Variants in RARB observed in about 807,000 individuals in gnomAD.
The protein encoded by RARB is retinoic acid receptor beta.
RARB carries 17 observed loss-of-function variants against 51.9 expected under a neutral mutation model. That is an observed-to-expected ratio of 0.33 (90% CI 0.22 to 0.49). RARB has a LOEUF of 0.49. Ranked by LOEUF, RARB falls within the 20% of genes least tolerant of loss-of-function variation. The pLI is 0.99. For missense variants in RARB, 369 were observed against 550.8 expected (o/e 0.67, Z 3.30); for synonymous variants, 215 against 195.4 (o/e 1.10, Z -0.84).
At position 25,077,920 on chromosome 3, in the gene RARB, C is replaced by A. The variant is rs187518053; in HGVS notation, c.-328+17744C>A. Among the ~76,000 whole-genome samples, 411 of 152,232 alleles carry A rather than the reference C, an allele frequency of 2.7e-3. 1 individual carries two copies. The highest frequency in any genetic ancestry group is 9.2e-3 in the African/African-American group (384 of 41,536). On this transcript the variant is annotated intron_variant, in intron 3 of 11. Transcript: ENST00000383772. ...AGCAGTATCTCATTTTTCCTTTAAT[C>A]AGGATATCTTTGCTAACTAATGAAG... is the stretch of plus-strand genomic sequence containing the variant.
chr3:25,387,704 T>C (rs2125484638), intron 5 of RARB, among the ~76,000 whole-genome samples: 1 of 152,146 alleles, frequency 6.6e-6, no homozygotes, highest in Middle Eastern at 3.4e-3. Flanking sequence ...TCTCTTGGGG[T>C]CTTTTGACCA....
chr3:25,159,454 C>G, intron 4 of RARB, among the ~76,000 whole-genome samples: 1 of 148,894 alleles, frequency 6.7e-6, no homozygotes, highest in African/African-American at 2.5e-5. Flanking sequence ...GCTGGGATTA[C>G]AGGCGTGAGC....
At chr3:25,506,245 TC>T (rs1223152379) in intron 3 of RARB, among the ~76,000 whole-genome samples, 1 of 87,924 alleles carries the variant, frequency 1.1e-5, no homozygotes, top group Non-Finnish European at 2.0e-5. Flanking sequence ...AGGGTGAGAC[TC>T]CATCTCAAAA....
chr3:25,085,952 G>T (rs533840014), intron 3 of RARB, among the ~76,000 whole-genome samples: 1 of 152,280 alleles, frequency 6.6e-6, no homozygotes, highest in South Asian at 2.1e-4. Context: ...ACCTAAAATG[G>T]ATGATCTAGG....
intron 5 of RARB, among the ~76,000 whole-genome samples, chr3:25,398,051 G>A (rs1707163853): frequency 6.6e-6 from 1 of 151,982 alleles, no homozygotes; most frequent in Non-Finnish European, 1.5e-5. Context: ...CCTAATTTGG[G>A]GATTTGGATA....
At chr3:24,953,343 C>T (rs1390302810) in intron 2 of RARB, among the ~76,000 whole-genome samples, 1 of 152,098 alleles carries the variant, frequency 6.6e-6, no homozygotes, top group African/African-American at 2.4e-5. Flanking sequence ...AAGCAAAAAC[C>T]TGAAAAAGCA....
At chr3:25,348,697 G>A (rs1705471137) in intron 5 of RARB, among the ~76,000 whole-genome samples, 1 of 152,184 alleles carries the variant, frequency 6.6e-6, no homozygotes, top group East Asian at 1.9e-4. Context: ...AAATTTAAAT[G>A]TCAGTAAATC....
At chr3:25,322,128 G>A (rs1450090243) in intron 5 of RARB, among the ~76,000 whole-genome samples, 1 of 146,252 alleles carries the variant, frequency 6.8e-6, no homozygotes, top group African/African-American at 2.5e-5. Context: ...TGGGTCTGGA[G>A]GTATTCCCAA....
intron 3 of RARB, among the ~76,000 whole-genome samples, chr3:25,072,676 T>G (rs1162314796): frequency 1.3e-5 from 2 of 152,114 alleles, no homozygotes; most frequent in African/African-American, 4.8e-5. Context: ...AGAAATGGCT[T>G]CTATCTACCT....
chr3:25,387,742 A>G (rs542210882), intron 5 of RARB, among the ~76,000 whole-genome samples: 1 of 152,054 alleles, frequency 6.6e-6, no homozygotes, highest in Non-Finnish European at 1.5e-5. Flanking sequence ...CACTTCAGCA[A>G]TGTCTTTGTT....
At chr3:25,588,281 T>C (rs886824242) in intron 5 of RARB, among the ~76,000 whole-genome samples, 7 of 152,236 alleles carry the variant, frequency 4.6e-5, no homozygotes, top group African/African-American at 1.2e-4. Flanking sequence ...TATGATTCCA[T>C]TGATCTGAAG....
At chr3:25,493,014 A>G (rs552550059) in intron 2 of RARB, among the ~76,000 whole-genome samples, 2 of 151,282 alleles carry the variant, frequency 1.3e-5, no homozygotes, top group East Asian at 2.0e-4. Context: ...AAAATAAACA[A>G]CTCTCAGCTT....
At chr3:25,247,936 G>C (rs577777061) in intron 5 of RARB, among the ~76,000 whole-genome samples, 1 of 152,178 alleles carries the variant, frequency 6.6e-6, no homozygotes, top group African/African-American at 2.4e-5. Flanking sequence ...TTCTTTGTTA[G>C]TTTTCTGTCT....
At chr3:25,379,894 T>C (rs568130031) in intron 5 of RARB, among the ~76,000 whole-genome samples, 12 of 152,218 alleles carry the variant, frequency 7.9e-5, no homozygotes, top group African/African-American at 2.9e-4. Flanking sequence ...TTTAATAATA[T>C]AGCCCCTCAG....
intron 5 of RARB, among the ~76,000 whole-genome samples, chr3:25,316,962 T>G (rs1187141217): frequency 1.3e-5 from 2 of 152,170 alleles, no homozygotes; most frequent in Non-Finnish European, 2.9e-5. Context: ...CCAGGTCATT[T>G]AGCCAACCAA....
chr3:25,049,977 C>T (rs911685708), intron 2 of RARB, among the ~76,000 whole-genome samples: 3 of 151,940 alleles, frequency 2.0e-5, no homozygotes, highest in Non-Finnish European at 2.9e-5. Context: ...CACTATTACA[C>T]CTAGGAAGAT....
chr3:24,872,707 G>T (rs1384773886), intron 2 of RARB, among the ~76,000 whole-genome samples: 1 of 152,076 alleles, frequency 6.6e-6, no homozygotes, highest in African/African-American at 2.4e-5. Context: ...TTCATGAGGG[G>T]TCCGCTCCCA....
chr3:25,421,275 T>C (rs2125507130), intron 5 of RARB, among the ~76,000 whole-genome samples: 1 of 152,174 alleles, frequency 6.6e-6, no homozygotes, highest in Admixed American at 6.5e-5. Flanking sequence ...GAAATGTGCA[T>C]TCTGGTTGAA....
intron 2 of RARB, among the ~76,000 whole-genome samples, chr3:25,487,017 A>C (rs1356087918): frequency 6.6e-6 from 1 of 152,086 alleles, no homozygotes. Flanking sequence ...AGACTTGGAG[A>C]GGAGAGAGAG....
Sources: gnomAD v4.1 joint callset for allele counts (sites outside exome capture counted in the v4.1 genomes callset) on GRCh38, gnomAD v4.1.1 for gene constraint, MANE v1.5 for transcripts, NCBI Gene and HGNC (gene_info 2026-07-23, HGNC 2026-07-21) for gene names.